Variants in MYO9B observed in about 807,000 individuals in gnomAD.
The protein encoded by MYO9B is myosin IXB, also known as unconventional myosin-IXb.
A neutral mutation model predicts 229.5 loss-of-function variants in MYO9B; 71 were observed. The ratio of observed to expected loss-of-function variants is 0.31; its 90% CI spans 0.26 to 0.38. The LOEUF (loss-of-function observed/expected upper bound fraction) is 0.38. Ranked by LOEUF, MYO9B falls within the 10% of genes least tolerant of loss-of-function variation. The pLI is 1.00. For missense variants in MYO9B, 2,255 were observed against 2,920.5 expected (o/e 0.77, Z 5.25); for synonymous variants, 1,185 against 1,235.8 (o/e 0.96, Z 0.86).
Position 17,195,711 on chromosome 19 carries a change from C to CA in MYO9B, c.4046+239dup, listed in dbSNP as rs751202730. Among the ~76,000 whole-genome samples the CA allele has an allele frequency of 6.6e-6, 1 of 152,190 alleles. No homozygotes were observed. The highest frequency in any genetic ancestry group is 1.5e-5 in the Non-Finnish European group (1 of 68,030). ...GTCCCCAGAAGGAGCTGTGCTCACA[C>CA]AGAAAGGCCCCGGCCTTGAGAGAGG... is the stretch of plus-strand genomic sequence containing the variant. On this transcript the variant is annotated intron_variant, in intron 22 of 39. Coordinates refer to ENST00000682292, the MANE Select transcript of MYO9B (RefSeq NM_004145.4). The surrounding 1 kb of genome is among the most constrained non-coding windows in gnomAD (Gnocchi z 4.5).
chr19:17,170,140 T>A (rs1291605380), intron 11 of MYO9B, among the ~76,000 whole-genome samples: 1 of 151,984 alleles, frequency 6.6e-6, no homozygotes, highest in Non-Finnish European at 1.5e-5. Context: ...CAAGCAGTCC[T>A]CTCACCTTGA....
chr19:17,180,787 C>A, intron 14 of MYO9B, 140 bp from the exon 15 acceptor site: 1 of 591,302 alleles, frequency 1.7e-6, no homozygotes, highest in Non-Finnish European at 3.0e-6. Flanking sequence ...GCATTGAGCA[C>A]AGTGTCTTTC....
intron 2 of MYO9B, among the ~76,000 whole-genome samples, chr19:17,141,487 C>T (rs1047453984): frequency 2.0e-5 from 3 of 152,218 alleles, no homozygotes; most frequent in African/African-American, 7.2e-5. Flanking sequence ...AGTGGAACAC[C>T]AGGCCCCAGG....
In MYO9B at chr19:17,154,039, G is replaced by T. The variant is rs201157874; in HGVS notation, c.1071G>T (p.Gln357His). 2.1e-4 allele frequency: 340 copies of T among 1,613,174 alleles called. No homozygotes were observed. Among genetic ancestry groups the T allele is most frequent in the Non-Finnish European group, 2.8e-4 (329 of 1,179,826 alleles). ...AGCGCCAAGAATTTCAGCTCAAGCAGCCTGAAGATTATTTCTACCTCAACC... is the reference window on the plus strand; with the variant it reads ...AGCGCCAAGAATTTCAGCTCAAGCATCCTGAAGATTATTTCTACCTCAACC... ...EEERQEFQLK[Q>H]PEDYFYLNQH... Residue 357 changes from glutamine (Q) to histidine (H), a missense_variant, in exon 5 of 40, where the codon CAG becomes CAT. Around this residue, in one of 7 missense-constraint regions of MYO9B, gnomAD observed 386 missense variants for 515.2 expected, o/e 0.75. Coordinates refer to ENST00000682292, the MANE Select transcript of MYO9B (RefSeq NM_004145.4).
At position 17,184,331 on chromosome 19, in the gene MYO9B, C is replaced by A. The variant is rs528288432; in HGVS notation, c.2373+463C>A. Among the ~76,000 whole-genome samples, 6 of 152,350 alleles carry A rather than the reference C, an allele frequency of 3.9e-5. No individual in the cohort carries two copies. The East Asian group carries it at 1.2e-3, about 29-fold the overall frequency. ...ACAGAGAACCTCCCAAGCGCTCTGT[C>A]TCGTTTCCACATACAAGTGCAGCAA... On this transcript the variant is annotated intron_variant, in intron 16 of 39. Transcript: ENST00000682292.
At chr19:17,141,757 C>T (rs2072343000) in intron 2 of MYO9B, among the ~76,000 whole-genome samples, 1 of 152,230 alleles carries the variant, frequency 6.6e-6, no homozygotes, top group Admixed American at 6.5e-5. Context: ...TGTCCCCCAT[C>T]TTCATCCAGG....
At chr19:17,082,759 A>G (rs1357647822) in intron 1 of MYO9B, among the ~76,000 whole-genome samples, 4 of 152,120 alleles carry the variant, frequency 2.6e-5, no homozygotes, top group African/African-American at 9.7e-5. Context: ...TATTTGGCCC[A>G]TAGGTGCCGT....
intron 10 of MYO9B, among the ~76,000 whole-genome samples, chr19:17,165,247 A>T (rs115417393): frequency 1.3e-5 from 2 of 151,810 alleles, no homozygotes; most frequent in African/African-American, 4.8e-5. Context: ...TGTAGTCCCA[A>T]CTACTGAGGA....
intron 24 of MYO9B, among the ~76,000 whole-genome samples, chr19:17,199,056 A>G (rs2073078066): frequency 6.6e-6 from 1 of 152,158 alleles, no homozygotes; most frequent in African/African-American, 2.4e-5. Flanking sequence ...TTCAAAAATT[A>G]GCCAGGCAGG....
intron 10 of MYO9B, among the ~76,000 whole-genome samples, chr19:17,166,180 T>C (rs1225150482): frequency 1.3e-5 from 2 of 152,026 alleles, no homozygotes; most frequent in African/African-American, 4.8e-5. Context: ...GTAGCTGGGG[T>C]CACAGGTGTG....
intron 11 of MYO9B, among the ~76,000 whole-genome samples, chr19:17,169,802 C>CTCCTTTTTTTTTTTTTT (rs1555700072): frequency 9.4e-6 from 1 of 106,588 alleles, no homozygotes; most frequent in African/African-American, 4.1e-5. Context: ...CTGTCTCCTC[C>CTCCTTTTTTTTTTTTTT]TTTTTTTTTT....
At chr19:17,117,952 A>G (rs1034734272) in intron 2 of MYO9B, among the ~76,000 whole-genome samples, 9 of 151,226 alleles carry the variant, frequency 6.0e-5, no homozygotes, top group African/African-American at 2.2e-4. Flanking sequence ...AAAAAAAAAA[A>G]AAAAAGAAAA....
rs142982196 is a variant in MYO9B at position 17,190,606 on chromosome 19, C to T, written c.2689-491C>T. 3.9e-3 allele frequency among the ~76,000 whole-genome samples: 581 copies of T among 150,112 alleles called. 2 individuals carry two copies. The highest frequency in any genetic ancestry group is 0.014 in the African/African-American group (559 of 40,912). On this transcript the variant is annotated intron_variant, in intron 19 of 39. Coordinates refer to ENST00000682292, the MANE Select transcript of MYO9B (RefSeq NM_004145.4). ...TGAGCTGAGATCACACCACTGCACT[C>T]CAGCCTGGGTAACAAAGTGAGACCC...
chr19:17,180,950 A>G lies in MYO9B; in HGVS notation c.2243A>G (p.Lys748Arg). 2 of 1,610,220 alleles carry G rather than the reference A, an allele frequency of 1.2e-6. No homozygotes were observed. Among genetic ancestry groups the G allele is most frequent in the Non-Finnish European group, 8.5e-7 (1 of 1,178,418 alleles). ...LYRDLHNQMI[K>R]SIKGLPWQGE... ...AGCGATTTGCATAACCAAATGATCA[A>G]GAGCATCAAAGGATTGCCCTGGCAG... The change falls in exon 15 of 40, where the codon AAG (lysine) becomes AGG (arginine). Residue 748 changes from lysine to arginine, a missense_variant. Coordinates refer to ENST00000682292, the MANE Select transcript of MYO9B (RefSeq NM_004145.4).
chr19:17,123,261 G>A (rs1436262777), intron 2 of MYO9B, among the ~76,000 whole-genome samples: 2 of 152,122 alleles, frequency 1.3e-5, no homozygotes, highest in African/African-American at 4.8e-5. Flanking sequence ...AGTGAGAAAC[G>A]GGAGATAGCA....
At chr19:17,196,168 GGA>G in intron 22 of MYO9B, among the ~76,000 whole-genome samples, 1 of 149,456 alleles carries the variant, frequency 6.7e-6, no homozygotes, top group African/African-American at 2.5e-5. Context: ...GTGGGTGGAT[GGA>G]TGGAAGATAG....
At chr19:17,154,506 C>T (rs2072516494) in intron 6 of MYO9B, 91 bp downstream of exon 6, 7 of 946,528 alleles carry the variant, frequency 7.4e-6, no homozygotes, top group Non-Finnish European at 1.1e-5. Flanking sequence ...AACCTGCAAC[C>T]CAGTGAAAAC....
At chr19:17,208,881 T>A (rs1454352909) in intron 35 of MYO9B, among the ~76,000 whole-genome samples, 3 of 151,752 alleles carry the variant, frequency 2.0e-5, no homozygotes, top group Non-Finnish European at 2.9e-5. Context: ...CCTCTGGTAC[T>A]GACCACTCCG....
intron 1 of MYO9B, among the ~76,000 whole-genome samples, chr19:17,082,483 A>G (rs2057542240): frequency 6.6e-6 from 1 of 152,136 alleles, no homozygotes; most frequent in African/African-American, 2.4e-5. Flanking sequence ...TGCTCAGAGC[A>G]TCTCCACGAG....
Sources: allele counts gnomAD v4.1 joint callset (sites outside exome capture counted in the v4.1 genomes callset), GRCh38; gene constraint gnomAD v4.1.1; regional missense constraint gnomAD v4.1.1; non-coding constraint Gnocchi (gnomAD v3.1); transcripts MANE v1.5; gene names NCBI Gene and HGNC (gene_info 2026-07-23, HGNC 2026-07-21).